GPC5: variants seen among roughly 807,000 people sequenced by gnomAD.
GPC5 encodes glypican-5.
GPC5 carries 47 observed loss-of-function variants against 53.9 expected under a neutral mutation model. That is an observed-to-expected ratio of 0.87 (90% CI 0.69 to 1.11). The LOEUF (loss-of-function observed/expected upper bound fraction) is 1.11, where lower values mean the gene tolerates loss of function less well. GPC5 is among the 50% of genes most tolerant of loss of function. The pLI, the probability that GPC5 is intolerant of heterozygous loss-of-function variation, is 0.00. For synonymous variants in GPC5, 286 were observed against 263.3 expected, an observed-to-expected ratio of 1.09 and a Z score of -0.84; for missense variants, 748 against 713.1, an observed-to-expected ratio of 1.05 and a Z score of -0.56.
rs9589273 is a variant in GPC5, at chr13:91,514,863, C to A, written c.325+65941C>A. Among the ~76,000 whole-genome samples the A allele has an allele frequency of 6.5e-3, 984 of 152,184 alleles. 10 individuals are homozygous for A. The highest frequency in any genetic ancestry group is 0.023 in the African/African-American group (954 of 41,536). ...CTCATACTTTCTATATTCTTATTGA[C>A]AGCTTTCTATGTATTTCACTTTAAG... On this transcript the variant is annotated intron_variant, in intron 2 of 7. Transcript: ENST00000377067.
At chr13:91,725,135 A>G (rs2036550084) in intron 3 of GPC5, 1 of 152,218 alleles carries the variant, frequency 6.6e-6, no homozygotes, top group Admixed American at 6.5e-5. Context: ...TGGAAGTGAT[A>G]TGGGCTAGGA....
chr13:92,122,807 C>G (rs1438310803), intron 6 of GPC5, among the ~76,000 whole-genome samples: 1 of 65,898 alleles, frequency 1.5e-5, no homozygotes, highest in Admixed American at 2.1e-4. Flanking sequence ...TACATTCATT[C>G]TTAAAGAAGC....
Position 91,422,069 on chromosome 13 carries a change from A to G in GPC5, c.163+22860A>G, listed in dbSNP as rs539003629. Among the ~76,000 whole-genome samples the G allele has an allele frequency of 7.0e-4, 107 of 152,286 alleles. 1 individual carries two copies. In the South Asian group the frequency reaches 0.022, roughly 32 times the overall value. ...CTTCCCTATACCACTGGGACTCCTGAGTCTCTCAGCGCTACAGAAGCATTA... is the reference window on the plus strand; with the variant it reads ...CTTCCCTATACCACTGGGACTCCTGGGTCTCTCAGCGCTACAGAAGCATTA... On this transcript the variant is annotated intron_variant, in intron 1 of 7. Coordinates refer to ENST00000377067, the MANE Select transcript of GPC5 (RefSeq NM_004466.6).
At chr13:92,057,695 T>C (rs1594747010) in intron 6 of GPC5, among the ~76,000 whole-genome samples, 1 of 152,134 alleles carries the variant, frequency 6.6e-6, no homozygotes, top group East Asian at 1.9e-4. Flanking sequence ...TCTAAGTTGG[T>C]TTGTTTAACA....
intron 7 of GPC5, among the ~76,000 whole-genome samples, chr13:92,790,411 T>A (rs922302895): frequency 1.2e-4 from 19 of 152,162 alleles, no homozygotes; most frequent in African/African-American, 4.3e-4. Context: ...ACTATGGTAT[T>A]GCATTTAGTA....
At chr13:91,856,369 T>C (rs561602893) in intron 5 of GPC5, among the ~76,000 whole-genome samples, 1 of 151,628 alleles carries the variant, frequency 6.6e-6, no homozygotes, top group Non-Finnish European at 1.5e-5. Context: ...ATGAAATATT[T>C]TTATGTTTAA....
At chr13:91,945,981 T>A (rs1331105746) in intron 6 of GPC5, among the ~76,000 whole-genome samples, 3 of 152,198 alleles carry the variant, frequency 2.0e-5, no homozygotes, top group Admixed American at 2.0e-4. Flanking sequence ...GACTCCTATC[T>A]TGTTGGCACT....
intron 7 of GPC5, among the ~76,000 whole-genome samples, chr13:92,667,744 T>G (rs372528436): frequency 6.6e-6 from 1 of 152,314 alleles, no homozygotes; most frequent in South Asian, 2.1e-4. Flanking sequence ...TCACATGTAT[T>G]AATAAGACAT....
rs1876712671 is a variant in GPC5, at chr13:91,399,152, C to T, written c.106C>T (p.Leu36Phe). Residue 36 changes from leucine (L) to phenylalanine (F), a missense_variant, in exon 1 of 8, where the codon CTT becomes TTT. Leu to Phe is a conservative substitution (Grantham distance 22). Transcript: ENST00000377067. ...GVQTCEEVRK[L>F]FQWRLLGAVR... Reference sequence around the variant, plus strand: ...GCAGACCTGCGAAGAAGTTCGGAAACTTTTCCAGTGGCGGCTGCTGGGAGC... The same window carrying T: ...GCAGACCTGCGAAGAAGTTCGGAAATTTTTCCAGTGGCGGCTGCTGGGAGC... 1 of 1,613,520 alleles carries T rather than the reference C, an allele frequency of 6.2e-7. No individual in the cohort carries two copies. Among genetic ancestry groups the T allele is most frequent in the African/African-American group, 1.3e-5 (1 of 74,930 alleles).
chr13:92,388,521 G>A (rs1241231477), intron 7 of GPC5, among the ~76,000 whole-genome samples: 1 of 152,054 alleles, frequency 6.6e-6, no homozygotes, highest in African/African-American at 2.4e-5. Context: ...ATTTGCTCCA[G>A]CCAAAGACTA....
intron 7 of GPC5, among the ~76,000 whole-genome samples, chr13:92,287,220 T>A (rs2042962296): frequency 6.6e-6 from 1 of 152,228 alleles, no homozygotes. Flanking sequence ...GTTCAGAGAA[T>A]GTACTTTGTA....
At chr13:91,806,449 T>C (rs147276879) in intron 5 of GPC5, among the ~76,000 whole-genome samples, 1 of 147,052 alleles carries the variant, frequency 6.8e-6, no homozygotes, top group African/African-American at 2.5e-5. Flanking sequence ...TTTTTTTTTT[T>C]ACTTTAACGC....
intron 7 of GPC5, among the ~76,000 whole-genome samples, chr13:92,415,699 A>G (rs1253698264): frequency 6.6e-6 from 1 of 151,796 alleles, no homozygotes; most frequent in African/African-American, 2.4e-5. Flanking sequence ...AAGAAGTAAT[A>G]GCAGCGGAAT....
chr13:92,815,971 A>T (rs1877458655), intron 7 of GPC5, among the ~76,000 whole-genome samples: 1 of 151,942 alleles, frequency 6.6e-6, no homozygotes, highest in African/African-American at 2.4e-5. Context: ...GATGTTGAAT[A>T]AACGGTGGGA....
chr13:91,962,468 C>T lies in GPC5; in HGVS notation c.1401+54411C>T, dbSNP rs546976704. ...TCTGTGTGAGCTCTGGAGTAGATGG[C>T]CAATAAAAATTAGAATGTTTTTATA... On this transcript the variant is annotated intron_variant, in intron 6 of 7. Coordinates refer to ENST00000377067, the MANE Select transcript of GPC5 (RefSeq NM_004466.6). 2.1e-3 allele frequency among the ~76,000 whole-genome samples: 325 copies of T among 152,032 alleles called. 2 individuals are homozygous for T. Among genetic ancestry groups the T allele is most frequent in the South Asian group, 0.012 (60 of 4,818 alleles).
At chr13:92,347,881 A>ATG (rs2043432121) in intron 7 of GPC5, among the ~76,000 whole-genome samples, 1 of 2,328 alleles carries the variant, frequency 4.3e-4, no homozygotes, top group African/African-American at 1.3e-3. Flanking sequence ...TATAATATAT[A>ATG]TTATATATAT....
intron 7 of GPC5, among the ~76,000 whole-genome samples, chr13:92,430,145 G>A (rs1439652804): frequency 6.6e-6 from 1 of 151,870 alleles, no homozygotes; most frequent in African/African-American, 2.4e-5. Flanking sequence ...AAAAAAAAGT[G>A]CTTATATAGC....
intron 6 of GPC5, among the ~76,000 whole-genome samples, chr13:92,060,120 G>C (rs1371899190): frequency 1.3e-5 from 2 of 151,118 alleles, no homozygotes; most frequent in Non-Finnish European, 2.9e-5. Flanking sequence ...ATTTTTTTCA[G>C]GTCTAATGTG....
intron 2 of GPC5, among the ~76,000 whole-genome samples, chr13:91,682,362 T>C (rs1342633872): frequency 6.6e-6 from 1 of 152,136 alleles, no homozygotes; most frequent in African/African-American, 2.4e-5. Flanking sequence ...TCCTTAATGG[T>C]TTTTCAGCAC....
Sources: gnomAD v4.1 joint callset for allele counts (sites outside exome capture counted in the v4.1 genomes callset) on GRCh38, gnomAD v4.1.1 for gene constraint, MANE v1.5 for transcripts, NCBI Gene and HGNC (gene_info 2026-07-23, HGNC 2026-07-21) for gene names.